The following RIPOR1 variants were observed in gnomAD, a reference collection of about 807,000 sequenced individuals.
RIPOR1 encodes rho family-interacting cell polarization regulator 1.
RIPOR1 carries 58 observed loss-of-function variants against 116.5 expected under a neutral mutation model. That is an observed-to-expected ratio of 0.50 (90% CI 0.40 to 0.62). The LOEUF is 0.62. Among genes scored for constraint, RIPOR1 ranks in the 20% least tolerant of loss-of-function variants. The pLI, the probability that RIPOR1 is intolerant of heterozygous loss-of-function variation, is 0.00. For synonymous variants in RIPOR1, 605 were observed against 650.0 expected, an observed-to-expected ratio of 0.93 and a Z score of 1.05; for missense variants, 1,372 against 1,586.2, an observed-to-expected ratio of 0.86 and a Z score of 2.29.
chr16:67,522,997 C>T (rs991062861), intron 1 of RIPOR1, among the ~76,000 whole-genome samples: 2 of 152,164 alleles, frequency 1.3e-5, no homozygotes, highest in Non-Finnish European at 2.9e-5. Flanking sequence ...CACAGCTCTC[C>T]TCTCTCCCTC....
At chr16:67,539,634 G>T in intron 4 of RIPOR1, 94 bp from the exon 5 acceptor site, 1 of 1,429,390 alleles carries the variant, frequency 7.0e-7, no homozygotes. Flanking sequence ...GTGGACTGTG[G>T]TGTGAGAAAG....
Position 67,546,609 on chromosome 16 carries a change from C to T in RIPOR1, c.*146C>T, listed in dbSNP as rs2051178163. 1.5e-6 allele frequency: 1 copy of T among 672,804 alleles called. No individual in the cohort carries two copies. Among genetic ancestry groups the T allele is most frequent in the Non-Finnish European group, 2.5e-6 (1 of 397,358 alleles). The allele number at this position is 672,804 out of a possible 1,614,324, so 41.7% of individuals were successfully genotyped here. On this transcript the variant is annotated 3_prime_UTR_variant, in exon 22 of 22. Transcript: ENST00000042381. Reference sequence around the variant, plus strand: ...AATCTAATATATTCTTCTGTTGCCCCTGGGGTTGGAGAGTCAGTGCCTGCA... The same window carrying T: ...AATCTAATATATTCTTCTGTTGCCCTTGGGGTTGGAGAGTCAGTGCCTGCA...
chr16:67,537,654 C>A lies in RIPOR1; in HGVS notation c.-23-770C>A. On this transcript the variant is annotated intron_variant, in intron 1 of 21. Transcript: ENST00000042381. The surrounding 1 kb of genome is among the most constrained non-coding windows in gnomAD (Gnocchi z 4.6). The stretch of plus-strand genomic sequence containing the variant: ...GGGACTGGCCCCAGGGGAAGCAGGC[C>A]GGGTTTGGGGGCCAGGAGTGTGTGT... The A allele has an allele frequency of 8.0e-7, 1 of 1,245,652 alleles. No homozygotes were observed. Among genetic ancestry groups the A allele is most frequent in the South Asian group, 1.9e-5 (1 of 52,500 alleles). The allele number at this position is 1,245,652 out of a possible 1,614,324, so 77.2% of individuals were successfully genotyped here. A position where few individuals can be genotyped will look rare whatever the true frequency, so the allele number is the denominator to read the frequency against.
rs367937282 is a variant in RIPOR1 at position 67,540,439 on chromosome 16, C to T, written c.632-19C>T. On this transcript the variant is annotated intron_variant, in intron 8 of 21. Coordinates refer to ENST00000042381, the MANE Select transcript of RIPOR1 (RefSeq NM_024519.4). The surrounding 1 kb of genome is among the most constrained non-coding windows in gnomAD (Gnocchi z 4.7). ...CCCCAATATGGCTCACCGACTTCTCCCCTTCTCCTCCAACTCAGGGCTGGC... is the reference window on the plus strand; with the variant it reads ...CCCCAATATGGCTCACCGACTTCTCTCCTTCTCCTCCAACTCAGGGCTGGC... 10 of 1,614,056 alleles carry T rather than the reference C, an allele frequency of 6.2e-6. No homozygotes were observed. The African/African-American group carries it at 1.3e-4, about 22-fold the overall frequency.
In RIPOR1 at chr16:67,545,048, G is replaced by T. The variant is rs772856986; in HGVS notation, c.2962G>T (p.Val988Leu). ...CTGCTTCCTCTGCCCGGTGGAGCGG[G>T]TGCTTCTCACCTTCTGCAACCAGTA... Reference protein sequence around the residue: ...LSCFLCPVERVLLTFCNQYGA... With the variant: ...LSCFLCPVERLLLTFCNQYGA... Residue 988 changes from valine to leucine, a missense_variant, in exon 17 of 22, where the codon GTG becomes TTG. Around this residue, in one of 3 missense-constraint regions of RIPOR1, gnomAD observed 1,005 missense variants for 1,144.7 expected, o/e 0.88. Transcript: ENST00000042381. The surrounding 1 kb of genome is among the most constrained non-coding windows in gnomAD (Gnocchi z 4.8). 2.7e-5 allele frequency: 44 copies of T among 1,613,300 alleles called. No individual in the cohort carries two copies. Among genetic ancestry groups the T allele is most frequent in the Middle Eastern group, 1.6e-4 (1 of 6,084 alleles).
intron 1 of RIPOR1, among the ~76,000 whole-genome samples, chr16:67,523,521 T>TAA (rs1169903442): frequency 0.01 from 456 of 44,056 alleles, 43 homozygotes; most frequent in African/African-American, 0.016. Context: ...CAAGACTCCA[T>TAA]AAAAAAAAAA....
chr16:67,522,927 C>T (rs1345559037), intron 1 of RIPOR1, among the ~76,000 whole-genome samples: 1 of 152,172 alleles, frequency 6.6e-6, no homozygotes, highest in Non-Finnish European at 1.5e-5. Flanking sequence ...CCTGACCAAC[C>T]TGACGAAAGC....
chr16:67,536,460 G>C (rs909978036), intron 1 of RIPOR1, among the ~76,000 whole-genome samples: 10 of 152,118 alleles, frequency 6.6e-5, no homozygotes, highest in African/African-American at 2.4e-4. Flanking sequence ...ACTGGGGATG[G>C]GGATCAGGAT....
Position 67,537,641 on chromosome 16 carries a change from AG to A in RIPOR1, c.-23-779del, listed in dbSNP as rs1200174657. The A allele has an allele frequency of 7.7e-7, 1 of 1,303,450 alleles. No homozygotes were observed. Among genetic ancestry groups the A allele is most frequent in the Non-Finnish European group, 1.0e-6 (1 of 1,004,150 alleles). 80.7% of individuals were successfully genotyped at this position (1,303,450 alleles called of 1,614,324 possible). A position where few individuals can be genotyped will look rare whatever the true frequency, so the allele number is the denominator to read the frequency against. ...CTGCGAAAGCTCAGGGACTGGCCCC[AG>A]GGGAAGCAGGCCGGGTTTGGGGGCC... On this transcript the variant is annotated intron_variant, in intron 1 of 21. Coordinates refer to ENST00000042381, the MANE Select transcript of RIPOR1 (RefSeq NM_024519.4). The surrounding 1 kb of genome is among the most constrained non-coding windows in gnomAD (Gnocchi z 4.6).
rs747177030 is a variant in RIPOR1, at chr16:67,538,797, T to G, written c.230T>G (p.Val77Gly). Reference sequence around the variant, plus strand: ...CCGCAGCCCGAGCGGCTGGACCTGGTGTACACGGCGCTGAAGCGGGGCCTG... The same window carrying G: ...CCGCAGCCCGAGCGGCTGGACCTGGGGTACACGGCGCTGAAGCGGGGCCTG... ...KVPQPERLDLVYTALKRGLTA... is the reference protein window; with the variant it reads ...KVPQPERLDLGYTALKRGLTA... Residue 77 changes from valine (V) to glycine (G), a missense_variant, in exon 3 of 22, where the codon GTG (valine) becomes GGG (glycine). Transcript: ENST00000042381. The G allele has an allele frequency of 2.7e-5, 43 of 1,613,162 alleles. No homozygotes were observed. The highest frequency in any genetic ancestry group is 3.6e-5 in the Non-Finnish European group (42 of 1,179,974).
At chr16:67,538,350 GC>G in intron 1 of RIPOR1, 73 bp from the exon 2 acceptor site, 1 of 1,502,250 alleles carries the variant, frequency 6.7e-7, no homozygotes, top group Admixed American at 2.1e-5. Flanking sequence ...ACCTGCGCCA[GC>G]CCTGGATCCC....
chr16:67,545,244 T>C lies in RIPOR1; in HGVS notation c.3031+127T>C. 1 of 1,522,734 alleles carries C rather than the reference T, an allele frequency of 6.6e-7. No homozygotes were observed. Among genetic ancestry groups the C allele is most frequent in the Non-Finnish European group, 8.9e-7 (1 of 1,122,884 alleles). 94.3% of individuals were successfully genotyped at this position (1,522,734 alleles called of 1,614,324 possible). A position where few individuals can be genotyped will look rare whatever the true frequency, so the allele number is the denominator to read the frequency against. On this transcript the variant is annotated intron_variant, in intron 17 of 21. Coordinates refer to ENST00000042381, the MANE Select transcript of RIPOR1 (RefSeq NM_024519.4). This position sits in a 1 kb window ranked among gnomAD's most constrained non-coding sequence, Gnocchi z 4.8. ...AGGAGACCAGCAAAGACTTGGGCCT[T>C]AGAGCAGAAGGACCCAGATGGGTGG... is the stretch of plus-strand genomic sequence containing the variant.
chr16:67,525,541 T>C (rs1176322278), upstream of RIPOR1, among the ~76,000 whole-genome samples: 1 of 151,524 alleles, frequency 6.6e-6, no homozygotes, highest in East Asian at 1.9e-4. Context: ...GAAGCCGCGG[T>C]TTTTCTGGGG....
Position 67,543,661 on chromosome 16 carries a change from C to T in RIPOR1, c.2600+192C>T. 1 of 718,244 alleles carries T rather than the reference C, an allele frequency of 1.4e-6. No individual in the cohort carries two copies. Among genetic ancestry groups the T allele is most frequent in the Admixed American group, 2.4e-5 (1 of 42,158 alleles). 44.5% of individuals were successfully genotyped at this position (718,244 alleles called of 1,614,324 possible). On this transcript the variant is annotated intron_variant, in intron 14 of 21. Coordinates refer to ENST00000042381, the MANE Select transcript of RIPOR1 (RefSeq NM_024519.4). This position sits in a 1 kb window ranked among gnomAD's most constrained non-coding sequence, Gnocchi z 4.7. ...GTCCACCCCTCCCATGTCCTTCATG[C>T]CCATGTCTCCAACCCTACGTGTGTC... is the stretch of plus-strand genomic sequence containing the variant.
chr16:67,523,857 T>C (rs1271898907), upstream of RIPOR1, among the ~76,000 whole-genome samples: 1 of 152,052 alleles, frequency 6.6e-6, no homozygotes, highest in Non-Finnish European at 1.5e-5. Context: ...TTTGTGTTTT[T>C]AGTAGAGACT....
Position 67,541,319 on chromosome 16 carries a change from C to A in RIPOR1, c.802-111C>A. The A allele has an allele frequency of 8.0e-7, 1 of 1,254,554 alleles. No individual in the cohort carries two copies. Among genetic ancestry groups the A allele is most frequent in the Non-Finnish European group, 1.1e-6 (1 of 899,000 alleles). The allele number at this position is 1,254,554 out of a possible 1,614,324, so 77.7% of individuals were successfully genotyped here. A position where few individuals can be genotyped will look rare whatever the true frequency, so the allele number is the denominator to read the frequency against. ...TCCTGGCCTTAAGTGATCCTCCTGC[C>A]TCAGCCTCCCATGACCATTTTATAA... is the stretch of plus-strand genomic sequence containing the variant. On this transcript the variant is annotated intron_variant, in intron 10 of 21. Coordinates refer to ENST00000042381, the MANE Select transcript of RIPOR1 (RefSeq NM_024519.4). The surrounding 1 kb of genome is among the most constrained non-coding windows in gnomAD (Gnocchi z 4.6).
rs2051137831 is a variant in RIPOR1 at position 67,545,612 on chromosome 16, G to A, written c.3191-52G>A. The A allele has an allele frequency of 3.2e-6, 5 of 1,580,640 alleles. No individual in the cohort carries two copies. The South Asian group carries it at 4.6e-5, about 15-fold the overall frequency. ...GGACAAGCCCTCCCCAACCTCGGGG[G>A]CTCCTCACCCTGCCACCTTGCCCAC... On this transcript the variant is annotated intron_variant, in intron 18 of 21. Transcript: ENST00000042381. The surrounding 1 kb of genome is among the most constrained non-coding windows in gnomAD (Gnocchi z 4.8).
In RIPOR1 at chr16:67,543,018, C is replaced by T. The variant is rs1487202442; in HGVS notation, c.2232C>T (p.Pro744=). 2.6e-6 allele frequency: 4 copies of T among 1,556,420 alleles called. No homozygotes were observed. In the Admixed American group the frequency reaches 5.8e-5, roughly 23 times the overall value. The change falls in exon 13 of 22, where the codon CCC becomes CCT. Residue 744 remains proline (P), a synonymous_variant. Transcript: ENST00000042381. The surrounding 1 kb of genome is among the most constrained non-coding windows in gnomAD (Gnocchi z 4.7). The stretch of plus-strand genomic sequence containing the variant: ...CCCTCACAAGCCCTGCCCCAGATCC[C>T]TCAGAGTCTACGGTTCAGAGTCTAA... The part of the protein sequence containing the change: ...RKPLTSPAPD[P]SESTVQSLSP...
chr16:67,536,618 G>GC (rs957783289), intron 1 of RIPOR1, among the ~76,000 whole-genome samples: 1 of 151,972 alleles, frequency 6.6e-6, no homozygotes, highest in African/African-American at 2.4e-5. Flanking sequence ...GGAGTGCTCA[G>GC]GCTGAGCACT....
Sources: gnomAD v4.1 joint callset for allele counts (sites outside exome capture counted in the v4.1 genomes callset) on GRCh38, gnomAD v4.1.1 for gene constraint, gnomAD v4.1.1 regional missense constraint, Gnocchi (gnomAD v3.1) non-coding constraint, MANE v1.5 for transcripts, NCBI Gene and HGNC (gene_info 2026-07-23, HGNC 2026-07-21) for gene names.